The following LARP4 variants were observed in gnomAD, a reference collection of about 807,000 sequenced individuals.
The protein encoded by LARP4 is la-related protein 4.
In LARP4, 29 loss-of-function variants were observed where a neutral mutation model predicts 92.9. That is an observed-to-expected ratio of 0.31 (90% CI 0.23 to 0.43). LARP4 has a LOEUF of 0.43. Ranked by LOEUF, LARP4 falls within the 20% of genes least tolerant of loss-of-function variation. LARP4 has a pLI of 1.00. For synonymous variants in LARP4, 279 were observed against 284.1 expected (o/e 0.98, Z 0.18); for missense variants, 732 against 860.0 (o/e 0.85, Z 1.86).
In LARP4 at chr12:50,478,817, A is replaced by T. The variant is rs973937607; in HGVS notation, c.*2953A>T. The T allele has an allele frequency of 1.4e-4, 22 of 152,188 alleles. No homozygotes were observed. Among genetic ancestry groups the T allele is most frequent in the African/African-American group, 5.1e-4 (21 of 41,456 alleles). The allele number at this position is 152,188 out of a possible 1,614,324, so 9.4% of individuals were successfully genotyped here. On this transcript the variant is annotated 3_prime_UTR_variant, in exon 16 of 16. Transcript: ENST00000398473. ...TTTTAATTTTGCCAAATACACTGACATTTAAAATAGTGATCCATCTAAATT... is the reference window on the plus strand; with the variant it reads ...TTTTAATTTTGCCAAATACACTGACTTTTAAAATAGTGATCCATCTAAATT...
chr12:50,430,592 T>A, intron 4 of LARP4, 22 bp downstream of exon 4: 2 of 1,397,590 alleles, frequency 1.4e-6, no homozygotes, highest in Non-Finnish European at 2.0e-6. Flanking sequence ...TCCCCTTTAT[T>A]GAATTTTATT....
chr12:50,440,924 C>G (rs1274797875), intron 7 of LARP4, among the ~76,000 whole-genome samples: 1 of 150,834 alleles, frequency 6.6e-6, no homozygotes, highest in African/African-American at 2.4e-5. Context: ...CACTCTGTCG[C>G]CCGGGCTGGA....
intron 1 of LARP4, among the ~76,000 whole-genome samples, chr12:50,410,933 C>T (rs547218492): frequency 6.6e-6 from 1 of 152,040 alleles, no homozygotes; most frequent in African/African-American, 2.4e-5. Flanking sequence ...ACTAGAGTAC[C>T]AGCAATAATA....
intron 13 of LARP4, among the ~76,000 whole-genome samples, chr12:50,471,083 G>A (rs894076010): frequency 3.3e-5 from 5 of 152,056 alleles, no homozygotes; most frequent in African/African-American, 1.2e-4. Flanking sequence ...GAGGCCAAGA[G>A]TTTGAGACCA....
chr12:50,450,808 C>T (rs966496554), intron 8 of LARP4, among the ~76,000 whole-genome samples: 3 of 152,054 alleles, frequency 2.0e-5, no homozygotes, highest in African/African-American at 7.2e-5. Flanking sequence ...GCTGCCTTGT[C>T]TCCTGTTAAT....
intron 3 of LARP4, among the ~76,000 whole-genome samples, chr12:50,429,595 T>C (rs917003888): frequency 1.3e-5 from 2 of 152,078 alleles, no homozygotes; most frequent in Non-Finnish European, 2.9e-5. Flanking sequence ...ACTTTGAACA[T>C]AGAGTTGAAG....
chr12:50,470,513 A>C (rs1283803440), intron 13 of LARP4, among the ~76,000 whole-genome samples: 2 of 151,408 alleles, frequency 1.3e-5, no homozygotes, highest in Admixed American at 1.3e-4. Flanking sequence ...GGCTCACTGC[A>C]ACCTCCATCT....
At chr12:50,443,067 G>C (rs1390600907) in intron 8 of LARP4, among the ~76,000 whole-genome samples, 1 of 152,070 alleles carries the variant, frequency 6.6e-6, no homozygotes, top group East Asian at 1.9e-4. Flanking sequence ...TGGGTCTTTG[G>C]TATATCTGGA....
intron 1 of LARP4, among the ~76,000 whole-genome samples, chr12:50,413,135 C>G (rs1946200435): frequency 6.6e-6 from 1 of 151,624 alleles, no homozygotes; most frequent in Admixed American, 6.6e-5. Context: ...AGGCAGGAGA[C>G]TCCCTTGACC....
At chr12:50,454,451 A>C (rs892348693) in intron 10 of LARP4, 34 bp downstream of exon 10, 1 of 1,460,598 alleles carries the variant, frequency 6.8e-7, no homozygotes, top group African/African-American at 1.4e-5. Context: ...ATGTATTTTA[A>C]ACAATTCCTA....
At chr12:50,444,936 G>A (rs140773995) in intron 8 of LARP4, among the ~76,000 whole-genome samples, 3 of 152,198 alleles carry the variant, frequency 2.0e-5, no homozygotes, top group Non-Finnish European at 4.4e-5. Context: ...TTGAGACAGT[G>A]TCTTGCTTTA....
chr12:50,421,591 G>A (rs1265033949), intron 1 of LARP4, among the ~76,000 whole-genome samples: 1 of 151,972 alleles, frequency 6.6e-6, no homozygotes, highest in Non-Finnish European at 1.5e-5. Flanking sequence ...GTTGCAGTGA[G>A]CCAAGATCTT....
In LARP4 at chr12:50,429,041, G is replaced by T. The variant is rs1334451134; in HGVS notation, c.273G>T (p.Gly91=). The change falls in exon 3 of 16, where the codon GGG becomes GGT. Residue 91 remains glycine, a synonymous_variant. Transcript: ENST00000398473. The part of the protein sequence containing the change: ...NTTGIEESTD[G]MILGPEDLSY... Reference sequence around the variant, plus strand: ...CAGGCATTGAAGAATCAACTGATGGGATGATTTTAGGACCAGAAGATCTGA... The same window carrying T: ...CAGGCATTGAAGAATCAACTGATGGTATGATTTTAGGACCAGAAGATCTGA... 4 of 1,612,036 alleles carry T rather than the reference G, an allele frequency of 2.5e-6. No homozygotes were observed. Among genetic ancestry groups the T allele is most frequent in the Admixed American group, 1.7e-5 (1 of 59,768 alleles).
chr12:50,411,276 C>T (rs969272628), intron 1 of LARP4, among the ~76,000 whole-genome samples: 9 of 151,786 alleles, frequency 5.9e-5, no homozygotes, highest in Middle Eastern at 3.4e-3. Context: ...ACCTCTGCCT[C>T]CCTGGTTCAA....
intron 1 of LARP4, among the ~76,000 whole-genome samples, chr12:50,403,567 G>A (rs145321070): frequency 1.3e-5 from 2 of 152,246 alleles, no homozygotes; most frequent in Middle Eastern, 3.4e-3. Context: ...GTAAAAAAAC[G>A]GAGAAGAGAT....
intron 13 of LARP4, among the ~76,000 whole-genome samples, chr12:50,469,529 G>A (rs576383199): frequency 3.3e-5 from 5 of 151,316 alleles, no homozygotes; most frequent in African/African-American, 1.2e-4. Context: ...GCATGAACCC[G>A]GGAGGCAGAG....
At chr12:50,471,668 G>A (rs1039453480) in intron 13 of LARP4, among the ~76,000 whole-genome samples, 1 of 152,144 alleles carries the variant, frequency 6.6e-6, no homozygotes, top group South Asian at 2.1e-4. Context: ...ATACAGGCGC[G>A]CGCCACCATG....
chr12:50,463,723 C>T (rs1449902964), intron 12 of LARP4, among the ~76,000 whole-genome samples: 1 of 152,228 alleles, frequency 6.6e-6, no homozygotes, highest in Non-Finnish European at 1.5e-5. Context: ...AGGCTGCTCT[C>T]ATGGGCCCAT....
chr12:50,469,045 G>C (rs941743207), intron 13 of LARP4, among the ~76,000 whole-genome samples: 2 of 151,656 alleles, frequency 1.3e-5, no homozygotes, highest in East Asian at 3.9e-4. Flanking sequence ...TTCCATGTTA[G>C]GGTGGTTCAT....
Sources: allele counts gnomAD v4.1 joint callset (sites outside exome capture counted in the v4.1 genomes callset), GRCh38; gene constraint gnomAD v4.1.1; transcripts MANE v1.5; gene names NCBI Gene and HGNC (gene_info 2026-07-23, HGNC 2026-07-21).